TTC33: variants seen among roughly 807,000 people sequenced by gnomAD.
TTC33 encodes the protein tetratricopeptide repeat domain 33, also known as tetratricopeptide repeat protein 33.
Under a neutral mutation model 29.4 loss-of-function variants are expected in TTC33, and 24 were observed. The ratio of observed to expected loss-of-function variants is 0.82; its 90% CI spans 0.59 to 1.15. TTC33 has a LOEUF of 1.15. TTC33 is among the 50% of genes most tolerant of loss of function. The pLI is 0.00. For synonymous variants in TTC33, 107 were observed against 100.3 expected (o/e 1.07, Z -0.40); for missense variants, 286 against 310.4 (o/e 0.92, Z 0.59).
chr5:40,745,155 A>G (rs949052798), intron 2 of TTC33, among the ~76,000 whole-genome samples: 1 of 152,228 alleles, frequency 6.6e-6, no homozygotes, highest in Non-Finnish European at 1.5e-5. Context: ...AAGAGACATA[A>G]TAACCAAATA....
At chr5:40,741,384 A>C (rs1258943358) in intron 2 of TTC33, among the ~76,000 whole-genome samples, 1 of 152,192 alleles carries the variant, frequency 6.6e-6, no homozygotes, top group African/African-American at 2.4e-5. Context: ...TGAAGCTTGA[A>C]TAGCTCTCCG....
intron 4 of TTC33, among the ~76,000 whole-genome samples, chr5:40,725,957 T>C (rs923442784): frequency 6.6e-6 from 1 of 151,792 alleles, no homozygotes; most frequent in Non-Finnish European, 1.5e-5. Flanking sequence ...AGCTAATTTT[T>C]TGTATTTTTA....
Position 40,713,935 on chromosome 5 carries a change from A to AT in TTC33, c.*2209dup, listed in dbSNP as rs1485331758. On this transcript the variant is annotated 3_prime_UTR_variant, in exon 5 of 5. Coordinates refer to ENST00000337702, the MANE Select transcript of TTC33 (RefSeq NM_012382.3). Reference sequence around the variant, plus strand: ...TAGAAGAGTATGAGCTAAAATAAGCATTTTGAGGGGCCTGCAGAAATGAGC... The same window carrying AT: ...TAGAAGAGTATGAGCTAAAATAAGCATTTTTGAGGGGCCTGCAGAAATGAGC... 2.6e-5 allele frequency among the ~76,000 whole-genome samples: 4 copies of AT among 152,216 alleles called. No individual in the cohort carries two copies. The highest frequency in any genetic ancestry group is 5.9e-5 in the Non-Finnish European group (4 of 68,034).
chr5:40,734,881 G>A (rs940866942), intron 2 of TTC33, among the ~76,000 whole-genome samples: 2 of 152,176 alleles, frequency 1.3e-5, no homozygotes, highest in African/African-American at 4.8e-5. Flanking sequence ...TATAAGTGCC[G>A]TGATAAAAGA....
chr5:40,754,499 T>G (rs1193151794), intron 1 of TTC33, among the ~76,000 whole-genome samples: 1 of 151,956 alleles, frequency 6.6e-6, no homozygotes. Flanking sequence ...GGGAAAAGAC[T>G]AAAATAGTCA....
rs145881914 is a variant in TTC33 at position 40,740,581 on chromosome 5, A to G, written c.221+6217T>C. ...GCTTTTCTCCACATTAACTGGAAGT[A>G]GCAGAAATAAGAAGACCAGCTCATT... On this transcript the variant is annotated intron_variant, in intron 2 of 4. Transcript: ENST00000337702. 2.6e-5 allele frequency among the ~76,000 whole-genome samples: 4 copies of G among 152,352 alleles called. No homozygotes were observed. In the East Asian group the frequency reaches 7.7e-4, roughly 29 times the overall value.
intron 1 of TTC33, among the ~76,000 whole-genome samples, chr5:40,751,171 C>T (rs572654317): frequency 4.6e-5 from 7 of 152,286 alleles, no homozygotes; most frequent in African/African-American, 7.2e-5. Context: ...TATAGCCTTA[C>T]AAAATGTATT....
In TTC33 at chr5:40,715,256, A is replaced by T. The variant is rs1741975468; in HGVS notation, c.*889T>A. On this transcript the variant is annotated 3_prime_UTR_variant, in exon 5 of 5. Coordinates refer to ENST00000337702, the MANE Select transcript of TTC33 (RefSeq NM_012382.3). ...TAATTCCCAGTCATCAAATGGAAAG[A>T]CACAAGCAAGAAGTAAGTTGTTTCC... is the stretch of plus-strand genomic sequence containing the variant. 1 of 152,224 alleles carries T rather than the reference A, an allele frequency of 6.6e-6. No individual in the cohort carries two copies. The highest frequency in any genetic ancestry group is 6.5e-5 in the Admixed American group (1 of 15,276). The allele number at this position is 152,224 out of a possible 1,614,324, so 9.4% of individuals were successfully genotyped here.
At chr5:40,740,858 G>A (rs1742677305) in intron 2 of TTC33, among the ~76,000 whole-genome samples, 1 of 152,180 alleles carries the variant, frequency 6.6e-6, no homozygotes, top group Non-Finnish European at 1.5e-5. Flanking sequence ...TATGCTTCTA[G>A]AAGGACCCAG....
intron 2 of TTC33, among the ~76,000 whole-genome samples, chr5:40,745,259 T>A (rs1235476164): frequency 6.6e-6 from 1 of 152,046 alleles, no homozygotes; most frequent in African/African-American, 2.4e-5. Flanking sequence ...GAACTAATAT[T>A]AGATATAAAA....
chr5:40,718,205 A>G (rs1742047540), intron 4 of TTC33, among the ~76,000 whole-genome samples: 1 of 152,142 alleles, frequency 6.6e-6, no homozygotes. Flanking sequence ...TGGATCACTC[A>G]AGACCAGGAG....
intron 4 of TTC33, among the ~76,000 whole-genome samples, chr5:40,720,231 T>C (rs920308058): frequency 6.6e-6 from 1 of 152,234 alleles, no homozygotes; most frequent in African/African-American, 2.4e-5. Context: ...TTACATAAAA[T>C]GTGAAGTAAG....
chr5:40,743,787 T>A (rs2111927238), intron 2 of TTC33, among the ~76,000 whole-genome samples: 1 of 152,212 alleles, frequency 6.6e-6, no homozygotes, highest in South Asian at 2.1e-4. Flanking sequence ...AAAATATATA[T>A]CTTTGTAGTT....
At chr5:40,734,128 A>C (rs1314868937) in intron 2 of TTC33, among the ~76,000 whole-genome samples, 1 of 152,154 alleles carries the variant, frequency 6.6e-6, no homozygotes, top group Non-Finnish European at 1.5e-5. Context: ...GTGGGTATTT[A>C]CTTCACTATC....
intron 1 of TTC33, among the ~76,000 whole-genome samples, chr5:40,751,085 A>G (rs761959590): frequency 3.3e-5 from 5 of 152,244 alleles, no homozygotes; most frequent in Non-Finnish European, 5.9e-5. Flanking sequence ...ATGGTTATCT[A>G]GAATTAGAAT....
chr5:40,722,341 T>G (rs548099895), intron 4 of TTC33, among the ~76,000 whole-genome samples: 74 of 152,210 alleles, frequency 4.9e-4, no homozygotes, highest in Middle Eastern at 6.8e-3. Flanking sequence ...GTCTAGGAAG[T>G]GAGGAGCGTC....
At chr5:40,743,037 T>C (rs1742725243) in intron 2 of TTC33, among the ~76,000 whole-genome samples, 1 of 152,188 alleles carries the variant, frequency 6.6e-6, no homozygotes, top group Non-Finnish European at 1.5e-5. Flanking sequence ...TCCTGGAGCT[T>C]ACATTCTTAC....
chr5:40,716,196 C>G lies in TTC33; in HGVS notation c.738G>C (p.Lys246Asn). The G allele has an allele frequency of 6.2e-7, 1 of 1,614,008 alleles. No individual in the cohort carries two copies. Among genetic ancestry groups the G allele is most frequent in the Non-Finnish European group, 8.5e-7 (1 of 1,179,920 alleles). The change falls in exon 5 of 5, where the codon AAG (lysine) becomes AAC (asparagine). Residue 246 changes from lysine (K) to asparagine (N), a missense_variant. Coordinates refer to ENST00000337702, the MANE Select transcript of TTC33 (RefSeq NM_012382.3). ...CATCTGGTGGTGTAGCACCATCCTC[C>G]TTTTCAGTTACAGTCTCTATGGCCC... ...ASGAIETVTE[K>N]EDGATPPDGS...
rs774909450 is a variant in TTC33, at chr5:40,728,354, C to T, written c.426G>A (p.Glu142=). ...AATCTGACTTCCTCACCAGGATTAT[C>T]TCTCCTAAACCAAGTTGAGCACGTC... The part of the protein sequence containing the change: ...TLGRAQLGLG[E]IILAIRSFQV... The change falls in exon 4 of 5, where the codon GAG becomes GAA. Residue 142 remains glutamate, a synonymous_variant. Coordinates refer to ENST00000337702, the MANE Select transcript of TTC33 (RefSeq NM_012382.3). 6.4e-7 allele frequency: 1 copy of T among 1,573,544 alleles called. No homozygotes were observed. The highest frequency in any genetic ancestry group is 1.2e-5 in the South Asian group (1 of 86,670).
Sources: allele counts gnomAD v4.1 joint callset (sites outside exome capture counted in the v4.1 genomes callset), GRCh38; gene constraint gnomAD v4.1.1; transcripts MANE v1.5; gene names NCBI Gene and HGNC (gene_info 2026-07-23, HGNC 2026-07-21).